URB1: variants seen among roughly 807,000 people sequenced by gnomAD.
The protein encoded by URB1 is nucleolar pre-ribosomal-associated protein 1.
In URB1, 197 loss-of-function variants were observed where a neutral mutation model predicts 242.3. The ratio of observed to expected loss-of-function variants is 0.81; its 90% CI spans 0.72 to 0.91. The LOEUF (loss-of-function observed/expected upper bound fraction) is 0.91. Ranked by LOEUF, URB1 falls within the 40% of genes least tolerant of loss-of-function variation. The probability of loss-of-function intolerance (pLI) is 0.00; values close to 1 mark genes in which losing one functional copy is unlikely to be tolerated. For missense variants in URB1, 2,721 were observed against 2,860.5 expected (o/e 0.95, Z 1.11); for synonymous variants, 1,153 against 1,201.8 (o/e 0.96, Z 0.84).
In URB1 at chr21:32,353,927, A is replaced by G; in HGVS notation, c.2416+6T>C. ...CAGCCAAGACATCCTGACTATACAT[A>G]GGTACCTGCTTCATTGCCTGTCCCA... On this transcript the variant is annotated splice_donor_region_variant and intron_variant, in intron 18 of 38. Transcript: ENST00000382751. 4 of 1,551,544 alleles carry G rather than the reference A, an allele frequency of 2.6e-6. No individual in the cohort carries two copies. Among genetic ancestry groups the G allele is most frequent in the Admixed American group, 2.0e-5 (1 of 50,992 alleles).
At chr21:32,335,717 T>A (rs887658749) in intron 28 of URB1, 3 of 152,630 alleles carry the variant, frequency 2.0e-5, no homozygotes, top group African/African-American at 7.2e-5. Flanking sequence ...AGACTGCCCA[T>A]CACAGACCGG....
At chr21:32,378,596 G>A in intron 4 of URB1, 55 bp from the exon 5 acceptor site, 1 of 1,449,580 alleles carries the variant, frequency 6.9e-7, no homozygotes, top group Non-Finnish European at 9.5e-7. Context: ...ACAGCCAAAG[G>A]AATCAGCAAC....
chr21:32,339,403 T>C (rs1464948021), intron 25 of URB1, among the ~76,000 whole-genome samples: 1 of 152,000 alleles, frequency 6.6e-6, no homozygotes, highest in African/African-American at 2.4e-5. Flanking sequence ...CGGCACTGCA[T>C]AGCTCTATCA....
chr21:32,313,842 C>A lies in URB1; in HGVS notation c.*1076G>T, dbSNP rs188316013. Reference sequence around the variant, plus strand: ...ATTTCATGACTTTTGTCAGCTACAACCCCAACTAATATATGACCATTAAGA... The same window carrying A: ...ATTTCATGACTTTTGTCAGCTACAAACCCAACTAATATATGACCATTAAGA... On this transcript the variant is annotated 3_prime_UTR_variant, in exon 39 of 39. Coordinates refer to ENST00000382751, the MANE Select transcript of URB1 (RefSeq NM_014825.3). 1 of 152,278 alleles carries A rather than the reference C, an allele frequency of 6.6e-6. No individual in the cohort carries two copies. The highest frequency in any genetic ancestry group is 1.9e-4 in the East Asian group (1 of 5,190). The allele number at this position is 152,278 out of a possible 1,614,324, so 9.4% of individuals were successfully genotyped here. A position where few individuals can be genotyped will look rare whatever the true frequency, so the allele number is the denominator to read the frequency against.
intron 36 of URB1, 105 bp from the exon 37 acceptor site, chr21:32,318,022 T>A: frequency 7.0e-7 from 1 of 1,426,574 alleles, no homozygotes; most frequent in Non-Finnish European, 9.4e-7. Context: ...GTGCACACAG[T>A]CCCTCCAGGA....
At chr21:32,343,186 T>C (rs1568817238) in intron 24 of URB1, among the ~76,000 whole-genome samples, 1 of 151,282 alleles carries the variant, frequency 6.6e-6, no homozygotes, top group Non-Finnish European at 1.5e-5. Flanking sequence ...TAATGGGAGT[T>C]TTTTTTTTGT....
intron 12 of URB1, 80 bp from the exon 13 acceptor site, chr21:32,361,203 G>GAAAGAAAGA (rs1309655798): frequency 1.1e-6 from 1 of 936,260 alleles, no homozygotes; most frequent in African/African-American, 1.7e-5. Context: ...AAGAAAGAAA[G>GAAAGAAAGA]AAAATAGCTT....
chr21:32,330,863 T>C (rs1250879888), intron 30 of URB1, among the ~76,000 whole-genome samples: 1 of 152,214 alleles, frequency 6.6e-6, no homozygotes, highest in Admixed American at 6.5e-5. Context: ...AAAATCCAGC[T>C]TCAGCAACAG....
rs1208596020 is a variant in URB1 at position 32,315,016 on chromosome 21, G to C, written c.6718C>G (p.Arg2240Gly). 6.4e-7 allele frequency: 1 copy of C among 1,551,608 alleles called. No individual in the cohort carries two copies. The highest frequency in any genetic ancestry group is 8.7e-7 in the Non-Finnish European group (1 of 1,146,978). ...QRPDTLLTHV[R>G]MVCEAADDAP... is the part of the protein sequence containing the mutation. ...TCATCTGCGGCCTCACACACCATCC[G>C]GACGTGGGTTAAGAGGGTGTCCGGC... is the stretch of plus-strand genomic sequence containing the variant. The change falls in exon 39 of 39, where the codon CGG becomes GGG. Residue 2240 changes from arginine (R) to glycine (G), a missense_variant. Coordinates refer to ENST00000382751, the MANE Select transcript of URB1 (RefSeq NM_014825.3).
At chr21:32,352,997 G>T in intron 18 of URB1, 91 bp from the exon 19 acceptor site, 1 of 1,369,346 alleles carries the variant, frequency 7.3e-7, no homozygotes, top group Non-Finnish European at 9.7e-7. Context: ...ATACAGGCAA[G>T]ACCCTGAAAA....
At chr21:32,325,621 C>T (rs2032820980) in intron 30 of URB1, among the ~76,000 whole-genome samples, 1 of 152,142 alleles carries the variant, frequency 6.6e-6, no homozygotes, top group African/African-American at 2.4e-5. Context: ...CTCATACATC[C>T]CAACCAGGAT....
chr21:32,351,219 G>A (rs1451957539), intron 19 of URB1, among the ~76,000 whole-genome samples: 1 of 152,210 alleles, frequency 6.6e-6, no homozygotes. Context: ...GGAGCCACGT[G>A]TGACAGAGGC....
chr21:32,350,884 A>G lies in URB1; in HGVS notation c.2652T>C (p.Leu884=). ...GGGCTGTGAAGGACGAGGCCAAGGG[A>G]AGGGCAGGGGGCGAGGGGCTGCCCT... The part of the protein sequence containing the change: ...QAQGSPSPPA[L]PLASSFTALL... Residue 884 remains leucine (L), a synonymous_variant, in exon 20 of 39, where the codon CTT becomes CTC. Coordinates refer to ENST00000382751, the MANE Select transcript of URB1 (RefSeq NM_014825.3). 1 of 1,549,982 alleles carries G rather than the reference A, an allele frequency of 6.5e-7. No individual in the cohort carries two copies. The highest frequency in any genetic ancestry group is 2.0e-5 in the Admixed American group (1 of 50,996).
chr21:32,385,704 C>T lies in URB1; in HGVS notation c.143-20G>A. 6.5e-7 allele frequency: 1 copy of T among 1,549,750 alleles called. No individual in the cohort carries two copies. Among genetic ancestry groups the T allele is most frequent in the Non-Finnish European group, 8.7e-7 (1 of 1,146,334 alleles). ...CCAAGCCTGAAAAAAAAGTTATGTT[C>T]AAACATTAACAAGGTCAGTCTTCTT... On this transcript the variant is annotated intron_variant, in intron 1 of 38. Coordinates refer to ENST00000382751, the MANE Select transcript of URB1 (RefSeq NM_014825.3).
In URB1 at chr21:32,337,107, G is replaced by A; in HGVS notation, c.4672C>T (p.Leu1558Phe). 1 of 1,551,854 alleles carries A rather than the reference G, an allele frequency of 6.4e-7. No homozygotes were observed. The highest frequency in any genetic ancestry group is 8.7e-7 in the Non-Finnish European group (1 of 1,147,018). The stretch of plus-strand genomic sequence containing the variant: ...CCCAACACTCACCTGAAGTTGATGA[G>A]GCTGAGCTTGTTCTGCTCATACGCT... ...LRAYEQNKLSLINFRVLLWGP... is the reference protein window; with the variant it reads ...LRAYEQNKLSFINFRVLLWGP... Residue 1558 changes from leucine to phenylalanine, a missense_variant, in exon 28 of 39, where the codon CTC becomes TTC. Transcript: ENST00000382751.
chr21:32,348,938 G>C (rs1429584915), intron 21 of URB1, among the ~76,000 whole-genome samples: 2 of 152,248 alleles, frequency 1.3e-5, no homozygotes, highest in African/African-American at 2.4e-5. Context: ...AGGACAGAAA[G>C]GCTGCTGCTT....
chr21:32,372,783 C>T (rs1403406752), intron 7 of URB1, among the ~76,000 whole-genome samples, 152 bp from the exon 8 acceptor site: 1 of 152,034 alleles, frequency 6.6e-6, no homozygotes. Flanking sequence ...ATGAAAACAA[C>T]AACAAAAAGA....
chr21:32,375,567 A>G (rs1418267021), intron 5 of URB1, 84 bp from the exon 6 acceptor site: 3 of 756,860 alleles, frequency 4.0e-6, no homozygotes, highest in Non-Finnish European at 6.1e-6. Flanking sequence ...TTTAGGTGGT[A>G]CAGCAAACAA....
intron 11 of URB1, 45 bp downstream of exon 11, chr21:32,363,111 C>G (rs1257755007): frequency 6.6e-7 from 1 of 1,526,282 alleles, no homozygotes; most frequent in East Asian, 2.5e-5. Context: ...CCTTTTCCAC[C>G]TGGTGAGGTC....
Sources: allele counts gnomAD v4.1 joint callset (sites outside exome capture counted in the v4.1 genomes callset), GRCh38; gene constraint gnomAD v4.1.1; transcripts MANE v1.5; gene names NCBI Gene and HGNC (gene_info 2026-07-23, HGNC 2026-07-21).